Variants in SMG1 observed in about 807,000 individuals in gnomAD.
SMG1 encodes SMG1 nonsense mediated mRNA decay associated PI3K related kinase.
In SMG1, 22 loss-of-function variants were observed where a neutral mutation model predicts 419.9. The ratio of observed to expected loss-of-function variants is 0.05; its 90% CI spans 0.04 to 0.07. The LOEUF is 0.07. SMG1 is among the 10% of genes least tolerant of loss of function. The probability of loss-of-function intolerance (pLI) is 1.00; values close to 1 mark genes in which losing one functional copy is unlikely to be tolerated. For synonymous variants in SMG1, 1,538 were observed against 1,553.5 expected, an observed-to-expected ratio of 0.99 and a Z score of 0.23; for missense variants, 3,185 against 4,342.0, an observed-to-expected ratio of 0.73 and a Z score of 7.49.
intron 1 of SMG1, among the ~76,000 whole-genome samples, chr16:18,900,688 T>C (rs1177633957): frequency 2.0e-5 from 3 of 152,198 alleles, no homozygotes; most frequent in Non-Finnish European, 4.4e-5. Flanking sequence ...TAATTTATAA[T>C]GGATATAAAC....
At chr16:18,912,596 G>A (rs748140098) in intron 1 of SMG1, among the ~76,000 whole-genome samples, 7 of 151,982 alleles carry the variant, frequency 4.6e-5, no homozygotes, top group African/African-American at 1.2e-4. Flanking sequence ...GTAACTACAC[G>A]ATAGGCCACT....
intron 56 of SMG1, among the ~76,000 whole-genome samples, chr16:18,818,620 T>C (rs1385112901): frequency 6.6e-6 from 1 of 152,082 alleles, no homozygotes; most frequent in East Asian, 1.9e-4. Context: ...CTATTAAATA[T>C]GGATAGAAAG....
chr16:18,820,842 C>CAG (rs989392081), intron 55 of SMG1, among the ~76,000 whole-genome samples: 23 of 152,064 alleles, frequency 1.5e-4, no homozygotes, highest in African/African-American at 5.3e-4. Context: ...TTTACAAAAA[C>CAG]AAAAATGTCA....
At chr16:18,850,896 G>T (rs1467189541) in intron 33 of SMG1, among the ~76,000 whole-genome samples, 1 of 152,124 alleles carries the variant, frequency 6.6e-6, no homozygotes, top group Non-Finnish European at 1.5e-5. Flanking sequence ...TGAGATTACA[G>T]GTGCCCACTA....
intron 50 of SMG1, among the ~76,000 whole-genome samples, 167 bp downstream of exon 50, chr16:18,834,037 C>G (rs2033386755): frequency 6.6e-6 from 1 of 152,060 alleles, no homozygotes; most frequent in Non-Finnish European, 1.5e-5. Context: ...AAACAAAGAG[C>G]AACTGTAACC....
At chr16:18,860,960 T>TTAG (rs2035184826) in intron 25 of SMG1, 184 bp from the exon 26 acceptor site, 1 of 486,760 alleles carries the variant, frequency 2.1e-6, no homozygotes, top group Non-Finnish European at 3.7e-6. Flanking sequence ...TACCACTTAA[T>TTAG]TAGTACTCAA....
intron 56 of SMG1, among the ~76,000 whole-genome samples, chr16:18,818,329 G>A (rs184913670): frequency 0.01 from 1,528 of 152,140 alleles, 33 homozygotes; most frequent in African/African-American, 0.034. Flanking sequence ...AGGTTGCAGT[G>A]AGCCAAGATC....
At position 18,838,561 on chromosome 16, in the gene SMG1, G is replaced by A; in HGVS notation, c.7074C>T (p.Cys2358=). 1.2e-6 allele frequency: 2 copies of A among 1,613,606 alleles called. No homozygotes were observed. The highest frequency in any genetic ancestry group is 1.7e-6 in the Non-Finnish European group (2 of 1,179,626). The part of the protein sequence containing the change: ...GEVVHIDYNV[C]FEKGKSLRVP... ...CTACTTTTATATTACCTTTTTCAAA[G>A]CAAACATTGTAATCTATGTGAACAA... Residue 2358 remains cysteine, a synonymous_variant, in exon 43 of 63, where the codon TGC becomes TGT. Coordinates refer to ENST00000446231, the MANE Select transcript of SMG1 (RefSeq NM_015092.5).
At chr16:18,827,585 A>C in intron 55 of SMG1, among the ~76,000 whole-genome samples, 1 of 138,782 alleles carries the variant, frequency 7.2e-6, no homozygotes, top group Non-Finnish European at 1.5e-5. Context: ...CAAAATATAT[A>C]TTTTTAGATA....
rs780891560 is a variant in SMG1 at position 18,847,580 on chromosome 16, T to C, written c.5869A>G (p.Arg1957Gly). 2 of 1,614,030 alleles carry C rather than the reference T, an allele frequency of 1.2e-6. No individual in the cohort carries two copies. The highest frequency in any genetic ancestry group is 1.7e-6 in the Non-Finnish European group (2 of 1,179,896). Residue 1957 changes from arginine to glycine, a missense_variant, in exon 38 of 63, where the codon AGG (arginine) becomes GGG (glycine). This residue lies in a region of SMG1 where 130 missense variants were observed against 162.0 expected (regional missense o/e 0.80). Transcript: ENST00000446231. The stretch of plus-strand genomic sequence containing the variant: ...AGCTCATCCCAGAGCACAGTGACCC[T>C]GCGCAGTTCAGCCACGAGCATCTGA... ...QVQMLVAELR[R>G]VTVLWDELWL...
Position 18,829,430 on chromosome 16 carries a change from C to G in SMG1, c.9459G>C (p.Gln3153His), listed in dbSNP as rs745467299. Residue 3153 changes from glutamine (Q) to histidine (H), a missense_variant, in exon 54 of 63, where the codon CAG becomes CAC. By Grantham distance (24) the Gln-to-His change is conservative. Transcript: ENST00000446231. ...EHNIQIGKFSQLVMNRATVLA... is the reference protein window; with the variant it reads ...EHNIQIGKFSHLVMNRATVLA... Reference sequence around the variant, plus strand: ...ACACAGTTGCCCTGTTCATAACCAGCTGAGAGAACTTCCCTATCTGGATGT... The same window carrying G: ...ACACAGTTGCCCTGTTCATAACCAGGTGAGAGAACTTCCCTATCTGGATGT... The G allele has an allele frequency of 6.2e-7, 1 of 1,614,016 alleles. No homozygotes were observed. The highest frequency in any genetic ancestry group is 2.2e-5 in the East Asian group (1 of 44,884).
rs555986214 is a variant in SMG1 at position 18,913,545 on chromosome 16, T to C, written c.92+12405A>G. 3.9e-5 allele frequency among the ~76,000 whole-genome samples: 6 copies of C among 152,112 alleles called. No homozygotes were observed. The East Asian group carries it at 1.2e-3, about 30-fold the overall frequency. On this transcript the variant is annotated intron_variant, in intron 1 of 62. Transcript: ENST00000446231. ...TTATCAAATGTGGACGAAAAGCTAATATATGTCACTATGTAATCCAAGACA... is the reference window on the plus strand; with the variant it reads ...TTATCAAATGTGGACGAAAAGCTAACATATGTCACTATGTAATCCAAGACA...
chr16:18,910,750 CCCT>C lies in SMG1; in HGVS notation c.93-13797_93-13795del, dbSNP rs937509297. Among the ~76,000 whole-genome samples, 17 of 151,976 alleles carry C rather than the reference CCCT, an allele frequency of 1.1e-4. 1 individual carries two copies. On this transcript the variant is annotated intron_variant, in intron 1 of 62. Coordinates refer to ENST00000446231, the MANE Select transcript of SMG1 (RefSeq NM_015092.5). The stretch of plus-strand genomic sequence containing the variant: ...AAGATGCGTGTGGTTCTTCTCCACC[CCCT>C]CAAGTACTTAAAACTATCACATTGG...
At chr16:18,827,353 G>C (rs1439325436) in intron 55 of SMG1, among the ~76,000 whole-genome samples, 1 of 151,244 alleles carries the variant, frequency 6.6e-6, no homozygotes, top group African/African-American at 2.4e-5. Context: ...TTGAACCCGA[G>C]AGGCAGAGGT....
chr16:18,894,319 G>C (rs764670029), intron 3 of SMG1, among the ~76,000 whole-genome samples: 1 of 151,898 alleles, frequency 6.6e-6, no homozygotes. Context: ...AGAAGAATAG[G>C]GTTTTTACAA....
chr16:18,814,710 G>GACTACAAGCATCTGGC (rs2031827721), intron 60 of SMG1, among the ~76,000 whole-genome samples: 1 of 149,060 alleles, frequency 6.7e-6, no homozygotes, highest in Non-Finnish European at 1.5e-5. Context: ...GAGTAGCTGG[G>GACTACAAGCATCTGGC]ACTACAAGCA....
At chr16:18,911,626 C>G (rs2141967228) in intron 1 of SMG1, 1 of 151,608 alleles carries the variant, frequency 6.6e-6, no homozygotes, top group Non-Finnish European at 1.5e-5. Context: ...TGAACTTTAA[C>G]CCTCCCAACG....
intron 23 of SMG1, among the ~76,000 whole-genome samples, chr16:18,865,485 T>C (rs757511267): frequency 7.2e-5 from 11 of 152,022 alleles, no homozygotes; most frequent in Non-Finnish European, 5.9e-5. Flanking sequence ...TTTATGAGAA[T>C]GGATTCCAAG....
chr16:18,868,830 C>G (rs1374542606), intron 20 of SMG1, 111 bp from the exon 21 acceptor site: 2 of 621,188 alleles, frequency 3.2e-6, no homozygotes, highest in East Asian at 5.5e-5. Flanking sequence ...GTCTACCCAT[C>G]ATTTAAAAAT....
Sources: gnomAD v4.1 joint callset for allele counts (sites outside exome capture counted in the v4.1 genomes callset) on GRCh38, gnomAD v4.1.1 for gene constraint, gnomAD v4.1.1 regional missense constraint, MANE v1.5 for transcripts, NCBI Gene and HGNC (gene_info 2026-07-23, HGNC 2026-07-21) for gene names.